The following EXOG variants were observed in gnomAD, a reference collection of about 807,000 sequenced individuals.
EXOG encodes the protein nuclease EXOG, mitochondrial.
A neutral mutation model predicts 25.8 loss-of-function variants in EXOG; 27 were observed. The observed-to-expected ratio is 1.05, with a 90% CI of 0.77 to 1.45. The LOEUF is 1.45. EXOG is among the 40% of genes most tolerant of loss of function. The probability of loss-of-function intolerance (pLI) is 0.00; values close to 1 mark genes in which losing one functional copy is unlikely to be tolerated. For synonymous variants in EXOG, 133 were observed against 167.0 expected (o/e 0.80, Z 1.57); for missense variants, 458 against 450.5 (o/e 1.02, Z -0.15).
At chr3:38,515,491 AG>A in intron 5 of EXOG, 8 of 169,316 alleles carry the variant, frequency 4.7e-5, no homozygotes, top group South Asian at 1.6e-4. Context: ...CCAGGGCTCC[AG>A]GGGGGAAAAG....
intron 5 of EXOG, among the ~76,000 whole-genome samples, chr3:38,509,273 G>A (rs564629766): frequency 2.8e-4 from 43 of 152,130 alleles, no homozygotes; most frequent in African/African-American, 9.6e-4. Context: ...TATATCACTA[G>A]CCTACTGTGT....
chr3:38,508,688 C>A (rs1000786067), intron 5 of EXOG, among the ~76,000 whole-genome samples: 1 of 150,632 alleles, frequency 6.6e-6, no homozygotes, highest in Non-Finnish European at 1.5e-5. Context: ...AATTTAATAA[C>A]CTGAGGAACA....
At chr3:38,515,892 A>G (rs995720630) in intron 5 of EXOG, 2 of 152,252 alleles carry the variant, frequency 1.3e-5, no homozygotes, top group African/African-American at 4.8e-5. Flanking sequence ...TATGAAGGCA[A>G]AACAAAGGCC....
intron 5 of EXOG, among the ~76,000 whole-genome samples, chr3:38,508,980 A>G (rs1208386884): frequency 1.3e-5 from 2 of 152,210 alleles, no homozygotes; most frequent in Non-Finnish European, 2.9e-5. Context: ...AGGAAGTCAA[A>G]GGAATTAGTA....
chr3:38,508,799 A>C (rs1427802833), intron 5 of EXOG, among the ~76,000 whole-genome samples: 3 of 149,846 alleles, frequency 2.0e-5, no homozygotes, highest in Non-Finnish European at 4.4e-5. Context: ...TCAGATGTGC[A>C]GTAATGTCCA....
In EXOG at chr3:38,525,885, G is replaced by A. The variant is rs1056684171; in HGVS notation, c.*1523G>A. 9 of 712,272 alleles carry A rather than the reference G, an allele frequency of 1.3e-5. No homozygotes were observed. The highest frequency in any genetic ancestry group is 7.0e-4 in the Middle Eastern group (1 of 1,438). The allele number at this position is 712,272 out of a possible 1,614,324, so 44.1% of individuals were successfully genotyped here. On this transcript the variant is annotated 3_prime_UTR_variant, in exon 6 of 6. Transcript: ENST00000287675. The stretch of plus-strand genomic sequence containing the variant: ...CTTGAGCCTGGCAGGTCAAGGCTGC[G>A]ATGGGACATGGTCATGCCACTGGAC...
intron 2 of EXOG, 44 bp downstream of exon 2, chr3:38,497,822 A>G: frequency 1.3e-6 from 2 of 1,560,816 alleles, no homozygotes. Flanking sequence ...TATTTATGAA[A>G]GATGTCTCCA....
At chr3:38,510,535 T>G (rs927641898) in intron 5 of EXOG, among the ~76,000 whole-genome samples, 1 of 151,976 alleles carries the variant, frequency 6.6e-6, no homozygotes, top group African/African-American at 2.4e-5. Context: ...TTTTAAAAAG[T>G]TTAGGGAAAA....
chr3:38,497,877 A>C, intron 2 of EXOG, 99 bp downstream of exon 2: 1 of 1,382,112 alleles, frequency 7.2e-7, no homozygotes, highest in Non-Finnish European at 9.8e-7. Context: ...CCTTTTTCAT[A>C]TCATAGCACA....
At position 38,524,269 on chromosome 3, in the gene EXOG, A is replaced by G. The variant is rs1227111861; in HGVS notation, c.1014A>G (p.Glu338=). 6.2e-7 allele frequency: 1 copy of G among 1,614,070 alleles called. No homozygotes were observed. The highest frequency in any genetic ancestry group is 2.2e-5 in the East Asian group (1 of 44,896). Residue 338 remains glutamate (E), a synonymous_variant, in exon 6 of 6, where the codon GAA becomes GAG. Transcript: ENST00000287675. ...AAAACTTGAAGAATGCAGAGATTGA[A>G]CCAGATGATTACTTTATGAGTCGCT... ...IMENLKNAEI[E]PDDYFMSRYE...
intron 1 of EXOG, chr3:38,496,834 TCTA>T (rs1295091488): frequency 7.3e-7 from 1 of 1,372,948 alleles, no homozygotes; most frequent in Admixed American, 2.2e-5. Flanking sequence ...GTCTGTGTTC[TCTA>T]CTAAGATTGT....
intron 2 of EXOG, chr3:38,498,871 A>G (rs1002966539): frequency 1.1e-5 from 5 of 455,914 alleles, no homozygotes; most frequent in Admixed American, 2.4e-5. Context: ...TTATGTCTTG[A>G]TAGGGTCCTG....
intron 2 of EXOG, among the ~76,000 whole-genome samples, chr3:38,498,382 G>A (rs1040803286): frequency 2.0e-5 from 3 of 151,684 alleles, no homozygotes; most frequent in African/African-American, 4.8e-5. Flanking sequence ...TGGCAAAACC[G>A]CGTTTCTACA....
At position 38,506,912 on chromosome 3, in the gene EXOG, G is replaced by A; in HGVS notation, c.589G>A (p.Gly197Arg). The stretch of plus-strand genomic sequence containing the variant: ...GTTTGAAGATGTTTGGGTGGTATCT[G>A]GGCCTTTGACCTTACCTCAGACTAG... ...ERFEDVWVVS[G>R]PLTLPQTRGD... Residue 197 changes from glycine to arginine, a missense_variant, in exon 5 of 6, where the codon GGG (glycine) becomes AGG (arginine). By Grantham distance (125) the Gly-to-Arg change is moderately radical (BLOSUM62 -2). Transcript: ENST00000287675. 6.2e-7 allele frequency: 1 copy of A among 1,607,092 alleles called. No individual in the cohort carries two copies. The highest frequency in any genetic ancestry group is 8.5e-7 in the Non-Finnish European group (1 of 1,173,868).
intron 3 of EXOG, among the ~76,000 whole-genome samples, chr3:38,502,859 C>A (rs542702750): frequency 6.6e-6 from 1 of 152,032 alleles, no homozygotes; most frequent in Non-Finnish European, 1.5e-5. Flanking sequence ...ACAATTGTTG[C>A]GTAAACTATT....
At chr3:38,498,412 G>C (rs1332420286) in intron 2 of EXOG, among the ~76,000 whole-genome samples, 1 of 152,062 alleles carries the variant, frequency 6.6e-6, no homozygotes, top group Non-Finnish European at 1.5e-5. Flanking sequence ...AAAATTAGCT[G>C]GGCGTGGTGG....
chr3:38,499,083 T>C (rs1462978933), intron 2 of EXOG: 1 of 414,710 alleles, frequency 2.4e-6, no homozygotes, highest in Non-Finnish European at 4.8e-6. Flanking sequence ...TAGTCTTTTT[T>C]GGTAAGTTAT....
chr3:38,523,143 C>T (rs866655152), intron 5 of EXOG: 1 of 1,230,728 alleles, frequency 8.1e-7, no homozygotes, highest in Non-Finnish European at 1.1e-6. Context: ...TAGTGAATTT[C>T]ATAAACTAAG....
intron 2 of EXOG, among the ~76,000 whole-genome samples, chr3:38,500,507 A>G (rs1559674790): frequency 6.6e-6 from 1 of 152,194 alleles, no homozygotes; most frequent in Non-Finnish European, 1.5e-5. Context: ...CATATATGAT[A>G]CTTTACTGTA....
Sources: allele counts gnomAD v4.1 joint callset (sites outside exome capture counted in the v4.1 genomes callset), GRCh38; gene constraint gnomAD v4.1.1; transcripts MANE v1.5; gene names NCBI Gene and HGNC (gene_info 2026-07-23, HGNC 2026-07-21).